TRPM8: variants seen among roughly 807,000 people sequenced by gnomAD.
TRPM8 encodes transient receptor potential cation channel subfamily M member 8.
TRPM8 carries 110 observed loss-of-function variants against 133.7 expected under a neutral mutation model. The observed-to-expected ratio is 0.82, with a 90% CI of 0.70 to 0.96. TRPM8 has a LOEUF of 0.96. Among genes scored for constraint, TRPM8 ranks in the 40% least tolerant of loss-of-function variants. The pLI, the probability that TRPM8 is intolerant of heterozygous loss-of-function variation, is 0.00. For synonymous variants in TRPM8, 535 were observed against 532.3 expected (o/e 1.01, Z -0.07); for missense variants, 1,291 against 1,379.5 (o/e 0.94, Z 1.02).
chr2:233,965,060 G>T, intron 14 of TRPM8, among the ~76,000 whole-genome samples: 1 of 147,756 alleles, frequency 6.8e-6, no homozygotes, highest in Non-Finnish European at 1.5e-5. Context: ...TTGTGGGGGG[G>T]GGGGGTGTTT....
chr2:234,007,926 A>AT, intron 23 of TRPM8, 144 bp from the exon 24 acceptor site: 1 of 837,306 alleles, frequency 1.2e-6, no homozygotes, highest in Non-Finnish European at 1.9e-6. Context: ...AGAAAGGTAA[A>AT]TGCAGCTGAT....
At position 233,985,962 on chromosome 2, in the gene TRPM8, G is replaced by A. The variant is rs185355417; in HGVS notation, c.2939+97G>A. ...AGCATCGCAAAGGTCCCACCCTTGA[G>A]GAACATACTTTAGAGATCTTTTGGG... On this transcript the variant is annotated intron_variant, in intron 21 of 25. Coordinates refer to ENST00000324695, the MANE Select transcript of TRPM8 (RefSeq NM_024080.5). 2.6e-6 allele frequency: 3 copies of A among 1,171,842 alleles called. No individual in the cohort carries two copies. In the East Asian group the frequency reaches 7.7e-5, roughly 30 times the overall value. The allele number at this position is 1,171,842 out of a possible 1,614,324, so 72.6% of individuals were successfully genotyped here.
intron 22 of TRPM8, among the ~76,000 whole-genome samples, chr2:233,999,126 G>A (rs1458863956): frequency 6.6e-6 from 1 of 151,520 alleles, no homozygotes; most frequent in African/African-American, 2.5e-5. Flanking sequence ...ATTTGCCCAT[G>A]ATTCTGTGGG....
chr2:233,964,685 A>G lies in TRPM8; in HGVS notation c.1807A>G (p.Lys603Glu), dbSNP rs767777569. The change falls in exon 14 of 26, where the codon AAA (lysine) becomes GAA (glutamate). Residue 603 changes from lysine (K) to glutamate (E), a missense_variant. By Grantham distance (56) the Lys-to-Glu change is moderately conservative. Coordinates refer to ENST00000324695, the MANE Select transcript of TRPM8 (RefSeq NM_024080.5). ...GASKLLKTLA[K>E]VKNDINAAGE... ...CAGCAAGCTTCTGAAGACTCTGGCC[A>G]AAGTGAAGAACGACATCAATGCTGC... 8.7e-6 allele frequency: 14 copies of G among 1,612,720 alleles called. No individual in the cohort carries two copies. Among genetic ancestry groups the G allele is most frequent in the Non-Finnish European group, 1.1e-5 (13 of 1,179,114 alleles).
At chr2:233,929,350 A>C (rs953110560) in intron 2 of TRPM8, among the ~76,000 whole-genome samples, 2 of 152,222 alleles carry the variant, frequency 1.3e-5, no homozygotes, top group Non-Finnish European at 2.9e-5. Flanking sequence ...CCCTTCTCTG[A>C]TACCACAGGA....
intron 16 of TRPM8, 22 bp downstream of exon 16, chr2:233,969,829 CGTGT>C: frequency 6.8e-7 from 1 of 1,460,322 alleles, no homozygotes; most frequent in Non-Finnish European, 9.6e-7. Context: ...GGCACATAAT[CGTGT>C]GTGAGTGTGT....
chr2:233,970,792 C>G (rs765569771), intron 17 of TRPM8, among the ~76,000 whole-genome samples: 3 of 152,150 alleles, frequency 2.0e-5, no homozygotes, highest in Non-Finnish European at 4.4e-5. Context: ...AGGGAGCTGG[C>G]AGGACTTTTG....
At chr2:234,003,769 G>T (rs969619626) in intron 22 of TRPM8, among the ~76,000 whole-genome samples, 3 of 152,206 alleles carry the variant, frequency 2.0e-5, no homozygotes, top group Non-Finnish European at 4.4e-5. Flanking sequence ...GAGATTAATT[G>T]TTCTGTGGAG....
At chr2:233,954,393 A>C (rs934060095) in intron 10 of TRPM8, among the ~76,000 whole-genome samples, 1 of 152,208 alleles carries the variant, frequency 6.6e-6, no homozygotes, top group Non-Finnish European at 1.5e-5. Flanking sequence ...ATATGCACAC[A>C]TACTTCACAC....
In TRPM8 at chr2:233,970,381, C is replaced by T. The variant is rs201749853; in HGVS notation, c.2310C>T (p.Val770=). The T allele has an allele frequency of 3.3e-5, 53 of 1,613,980 alleles. 1 individual carries two copies. The highest frequency in any genetic ancestry group is 1.7e-5 in the Admixed American group (1 of 59,996). Residue 770 remains valine, a synonymous_variant, in exon 17 of 26, where the codon GTC becomes GTT. Transcript: ENST00000324695. The stretch of plus-strand genomic sequence containing the variant: ...CGGTGCCACACCCCCCCGAGCTGGT[C>T]CTGTACTCGCTGGTCTTTGTCCTCT... ...FHSVPHPPEL[V]LYSLVFVLFC...
chr2:233,999,044 C>T (rs1312123678), intron 22 of TRPM8, among the ~76,000 whole-genome samples: 4 of 151,130 alleles, frequency 2.6e-5, no homozygotes, highest in Admixed American at 1.3e-4. Context: ...GGTCATTTTA[C>T]GTCTCTAAGT....
chr2:233,926,316 G>A (rs1306515323), intron 1 of TRPM8, among the ~76,000 whole-genome samples: 1 of 152,204 alleles, frequency 6.6e-6, no homozygotes, highest in Non-Finnish European at 1.5e-5. Flanking sequence ...AGGGGCCAGG[G>A]AGGATGGGCT....
In TRPM8 at chr2:233,925,593, C is replaced by T. The variant is rs960781904; in HGVS notation, c.-5-940C>T. Reference sequence around the variant, plus strand: ...ACAGTCAGGCCGGGGAGGTGGAGACCAGCAGGGCCGAGCGCAGAGACAACG... The same window carrying T: ...ACAGTCAGGCCGGGGAGGTGGAGACTAGCAGGGCCGAGCGCAGAGACAACG... On this transcript the variant is annotated intron_variant, in intron 1 of 25. Transcript: ENST00000324695. Among the ~76,000 whole-genome samples the T allele has an allele frequency of 3.3e-5, 5 of 152,038 alleles. No homozygotes were observed. The South Asian group carries it at 1.0e-3, about 32-fold the overall frequency.
chr2:233,936,114 G>T lies in TRPM8; in HGVS notation c.192-1239G>T, dbSNP rs184472177. 2.4e-4 allele frequency among the ~76,000 whole-genome samples: 36 copies of T among 152,246 alleles called. 1 individual carries two copies. The East Asian group carries it at 5.8e-3, about 24-fold the overall frequency. ...CCAACCCTCATGGCAAGCCTGACAG[G>T]GGAGGGGCTGTGCGAGAGTAAAAGG... On this transcript the variant is annotated intron_variant, in intron 3 of 25. Coordinates refer to ENST00000324695, the MANE Select transcript of TRPM8 (RefSeq NM_024080.5).
At chr2:233,953,267 C>T (rs1204703664) in intron 9 of TRPM8, among the ~76,000 whole-genome samples, 1 of 152,204 alleles carries the variant, frequency 6.6e-6, no homozygotes, top group Non-Finnish European at 1.5e-5. Context: ...TATTTCCAAA[C>T]GTTGCCAGGG....
intron 21 of TRPM8, among the ~76,000 whole-genome samples, chr2:233,995,101 T>C (rs1692370923): frequency 6.6e-6 from 1 of 152,144 alleles, no homozygotes; most frequent in Non-Finnish European, 1.5e-5. Flanking sequence ...CAAATAGACG[T>C]GGGGCTGGAT....
At chr2:233,992,927 C>T (rs1263647369) in intron 21 of TRPM8, among the ~76,000 whole-genome samples, 1 of 152,144 alleles carries the variant, frequency 6.6e-6, no homozygotes, top group African/African-American at 2.4e-5. Flanking sequence ...AAAACAATGT[C>T]TACAGAATAT....
At chr2:233,951,582 A>G (rs1461738877) in intron 9 of TRPM8, among the ~76,000 whole-genome samples, 2 of 152,216 alleles carry the variant, frequency 1.3e-5, no homozygotes, top group African/African-American at 4.8e-5. Flanking sequence ...CTGCTTCATG[A>G]AAACTGTTAC....
intron 8 of TRPM8, 57 bp downstream of exon 8, chr2:233,947,212 G>A (rs1489243301): frequency 6.2e-7 from 1 of 1,605,316 alleles, no homozygotes; most frequent in African/African-American, 1.3e-5. Context: ...CAACAAATTT[G>A]TATTTTCAAG....
Sources: gnomAD v4.1 joint callset for allele counts (sites outside exome capture counted in the v4.1 genomes callset) on GRCh38, gnomAD v4.1.1 for gene constraint, MANE v1.5 for transcripts, NCBI Gene and HGNC (gene_info 2026-07-23, HGNC 2026-07-21) for gene names.